The following LPP variants were observed in gnomAD, a reference collection of about 807,000 sequenced individuals.
LPP encodes the protein LIM domain containing preferred translocation partner in lipoma, also known as lipoma-preferred partner.
Under a neutral mutation model 60.4 loss-of-function variants are expected in LPP, and 38 were observed. That is an observed-to-expected ratio of 0.63 (90% CI 0.49 to 0.83). LPP has a LOEUF of 0.83. LPP is among the 40% of genes least tolerant of loss of function. LPP has a pLI of 0.00. For missense variants in LPP, 902 were observed against 783.6 expected (o/e 1.15, Z -1.80); for synonymous variants, 328 against 290.8 (o/e 1.13, Z -1.30).
intron 2 of LPP, among the ~76,000 whole-genome samples, chr3:188,289,314 C>T (rs11928194): frequency 0.036 from 5,448 of 152,162 alleles, 328 homozygotes; most frequent in African/African-American, 0.13. Context: ...AGGATACTAA[C>T]GATACATTAA....
At chr3:188,405,219 C>A (rs1388364038) in intron 3 of LPP, among the ~76,000 whole-genome samples, 1 of 152,184 alleles carries the variant, frequency 6.6e-6, no homozygotes, top group African/African-American at 2.4e-5. Flanking sequence ...CCCCTCTTCC[C>A]CTTTTCCACA....
At chr3:188,851,918 A>C (rs1762768505) in intron 9 of LPP, among the ~76,000 whole-genome samples, 1 of 152,126 alleles carries the variant, frequency 6.6e-6, no homozygotes, top group African/African-American at 2.4e-5. Context: ...ATCCCGGCAC[A>C]CTGGGAGGCT....
intron 7 of LPP, among the ~76,000 whole-genome samples, chr3:188,621,402 T>C (rs574338135): frequency 6.6e-6 from 1 of 152,280 alleles, no homozygotes; most frequent in African/African-American, 2.4e-5. Flanking sequence ...CTCCCACTCA[T>C]AAGTGAGAAT....
chr3:188,537,645 C>G (rs953150913), intron 6 of LPP, among the ~76,000 whole-genome samples: 6 of 152,102 alleles, frequency 3.9e-5, no homozygotes, highest in African/African-American at 1.4e-4. Flanking sequence ...TGATTAGTTG[C>G]AAGATGTAAT....
At chr3:188,340,718 T>A (rs1466590384) in intron 2 of LPP, among the ~76,000 whole-genome samples, 1 of 152,162 alleles carries the variant, frequency 6.6e-6, no homozygotes, top group East Asian at 1.9e-4. Flanking sequence ...AAGGAAACTT[T>A]TGATTTTAAA....
intron 7 of LPP, among the ~76,000 whole-genome samples, chr3:188,648,259 G>A (rs1580680957): frequency 6.6e-6 from 1 of 152,194 alleles, no homozygotes; most frequent in East Asian, 1.9e-4. Context: ...GGGCTACATA[G>A]GGATGGTGAA....
chr3:188,487,924 T>C (rs187142351), intron 5 of LPP, among the ~76,000 whole-genome samples: 248 of 152,290 alleles, frequency 1.6e-3, no homozygotes, highest in Non-Finnish European at 1.6e-3. Flanking sequence ...AGTTGTAAGA[T>C]TTTGAGAGCA....
At chr3:188,268,390 G>A (rs749753) in intron 2 of LPP, among the ~76,000 whole-genome samples, 17,312 of 152,196 alleles carry the variant, frequency 0.11, 1,333 homozygotes, top group African/African-American at 0.21. Context: ...TTCGTGAATT[G>A]GGCAGGCCCC....
intron 6 of LPP, among the ~76,000 whole-genome samples, chr3:188,581,476 T>C (rs2150984776): frequency 6.6e-6 from 1 of 152,290 alleles, no homozygotes; most frequent in Non-Finnish European, 1.5e-5. Flanking sequence ...ATATTCTGCT[T>C]GAAGGTTAGA....
intron 6 of LPP, among the ~76,000 whole-genome samples, chr3:188,534,357 G>A (rs1823001953): frequency 6.6e-6 from 1 of 152,222 alleles, no homozygotes; most frequent in Non-Finnish European, 1.5e-5. Context: ...AACGAACAAA[G>A]CTGCCTGTTG....
chr3:188,440,166 T>C (rs769437704), intron 4 of LPP, among the ~76,000 whole-genome samples: 1 of 152,158 alleles, frequency 6.6e-6, no homozygotes, highest in Non-Finnish European at 1.5e-5. Context: ...TCCCCAACCT[T>C]CCTGGTCTCC....
intron 9 of LPP, among the ~76,000 whole-genome samples, chr3:188,825,297 G>C (rs1246517681): frequency 4.0e-5 from 6 of 150,434 alleles, no homozygotes; most frequent in African/African-American, 1.5e-4. Context: ...GTGTGTGTGT[G>C]TGTGTGTGTG....
At chr3:188,842,818 G>A (rs571338555) in intron 9 of LPP, among the ~76,000 whole-genome samples, 1 of 152,110 alleles carries the variant, frequency 6.6e-6, no homozygotes, top group Non-Finnish European at 1.5e-5. Context: ...AGTTTTAGGA[G>A]ATTTGGCAAT....
intron 8 of LPP, among the ~76,000 whole-genome samples, chr3:188,754,200 C>T (rs369492244): frequency 6.6e-6 from 1 of 152,152 alleles, no homozygotes; most frequent in East Asian, 1.9e-4. Flanking sequence ...CCTGTTCTAT[C>T]GCAGTGCTTC....
chr3:188,268,590 A>T (rs939251826), intron 2 of LPP, among the ~76,000 whole-genome samples: 7 of 152,220 alleles, frequency 4.6e-5, no homozygotes, highest in African/African-American at 1.7e-4. Flanking sequence ...ATGGTACAAG[A>T]GTAGGTTGCA....
At chr3:188,628,127 A>C (rs1381179018) in intron 7 of LPP, among the ~76,000 whole-genome samples, 1 of 152,094 alleles carries the variant, frequency 6.6e-6, no homozygotes, top group African/African-American at 2.4e-5. Context: ...ATGTTTGTAG[A>C]GACAAACACC....
chr3:188,749,994 A>G (rs1305660913), intron 8 of LPP, among the ~76,000 whole-genome samples: 2 of 152,168 alleles, frequency 1.3e-5, no homozygotes, highest in East Asian at 3.9e-4. Context: ...AATTTATTTT[A>G]TCACGGTTCT....
chr3:188,756,078 C>A lies in LPP; in HGVS notation c.1241-4035C>A, dbSNP rs536909290. On this transcript the variant is annotated intron_variant, in intron 8 of 11. Coordinates refer to ENST00000617246, the MANE Select transcript of LPP (RefSeq NM_001375462.1). The stretch of plus-strand genomic sequence containing the variant: ...TATCAGAACAATCAGGAAGCCATTG[C>A]AATAGCCTTTGAAAGGAAGGGTGAT... Among the ~76,000 whole-genome samples, 271 of 152,092 alleles carry A rather than the reference C, an allele frequency of 1.8e-3. 1 individual carries two copies. The highest frequency in any genetic ancestry group is 6.3e-3 in the African/African-American group (260 of 41,496).
At chr3:188,711,192 C>A (rs563723285) in intron 8 of LPP, 1 of 152,216 alleles carries the variant, frequency 6.6e-6, no homozygotes, top group African/African-American at 2.4e-5. Flanking sequence ...GTAATCATTG[C>A]CAAATGGGGA....
Sources: allele counts gnomAD v4.1 joint callset (sites outside exome capture counted in the v4.1 genomes callset), GRCh38; gene constraint gnomAD v4.1.1; transcripts MANE v1.5; gene names NCBI Gene and HGNC (gene_info 2026-07-23, HGNC 2026-07-21).